GRID2: variants seen among roughly 807,000 people sequenced by gnomAD.
GRID2 encodes glutamate receptor ionotropic, delta-2.
GRID2 carries 33 observed loss-of-function variants against 114.8 expected under a neutral mutation model. The ratio of observed to expected loss-of-function variants is 0.29; its 90% CI spans 0.22 to 0.38. The LOEUF (loss-of-function observed/expected upper bound fraction) is 0.38, where lower values mean the gene tolerates loss of function less well. Ranked by LOEUF, GRID2 falls within the 10% of genes least tolerant of loss-of-function variation. The pLI is 1.00. For synonymous variants in GRID2, 505 were observed against 449.9 expected, an observed-to-expected ratio of 1.12 and a Z score of -1.55; for missense variants, 1,184 against 1,257.7, an observed-to-expected ratio of 0.94 and a Z score of 0.89.
chr4:93,592,604 G>A (rs543925066), intron 13 of GRID2, among the ~76,000 whole-genome samples: 226 of 152,052 alleles, frequency 1.5e-3, no homozygotes, highest in African/African-American at 4.7e-3. Flanking sequence ...TCAATTCCTC[G>A]GTATCCTTGT....
intron 2 of GRID2, among the ~76,000 whole-genome samples, chr4:92,955,372 A>G (rs1000830583): frequency 5.9e-5 from 9 of 152,082 alleles, no homozygotes; most frequent in South Asian, 2.1e-4. Context: ...GCCAGTGATG[A>G]TGAGCATTTT....
chr4:92,675,600 G>A (rs992677073), intron 2 of GRID2, among the ~76,000 whole-genome samples: 2 of 149,746 alleles, frequency 1.3e-5, no homozygotes, highest in African/African-American at 2.5e-5. Context: ...ACCCAGGCTG[G>A]AGTGCAGAGG....
chr4:93,475,112 T>C (rs1725198086), intron 11 of GRID2, among the ~76,000 whole-genome samples: 2 of 152,140 alleles, frequency 1.3e-5, no homozygotes, highest in African/African-American at 4.8e-5. Flanking sequence ...TGTTTCCTGA[T>C]TTTCCTACTG....
chr4:93,104,647 T>A (rs1454900318), intron 3 of GRID2, among the ~76,000 whole-genome samples: 2 of 152,244 alleles, frequency 1.3e-5, no homozygotes, highest in Middle Eastern at 3.2e-3. Flanking sequence ...TCTTCATTTT[T>A]TATGGCTGCA....
At chr4:92,425,653 A>G (rs762396383) in intron 1 of GRID2, among the ~76,000 whole-genome samples, 27 of 152,198 alleles carry the variant, frequency 1.8e-4, no homozygotes, top group Non-Finnish European at 2.6e-4. Context: ...GCAACTGCCT[A>G]CTTTCCCACA....
intron 2 of GRID2, among the ~76,000 whole-genome samples, chr4:92,635,725 T>G (rs953886533): frequency 1.3e-5 from 2 of 152,092 alleles, no homozygotes; most frequent in Non-Finnish European, 2.9e-5. Flanking sequence ...AACTAACATT[T>G]TTGAAATACA....
At chr4:92,412,755 AT>A (rs1339724749) in intron 1 of GRID2, among the ~76,000 whole-genome samples, 1 of 152,176 alleles carries the variant, frequency 6.6e-6, no homozygotes, top group Non-Finnish European at 1.5e-5. Context: ...GAAACTCTGA[AT>A]TGCTTACAGG....
chr4:92,813,107 T>C (rs1740732103), intron 2 of GRID2, among the ~76,000 whole-genome samples: 2 of 152,132 alleles, frequency 1.3e-5, no homozygotes, highest in South Asian at 4.1e-4. Context: ...GCCCTGCAGT[T>C]CTTAAACTAT....
At chr4:93,577,027 A>G (rs761615128) in intron 13 of GRID2, among the ~76,000 whole-genome samples, 45 of 152,332 alleles carry the variant, frequency 3.0e-4, no homozygotes, top group Non-Finnish European at 4.4e-5. Flanking sequence ...TTAATATAAC[A>G]GGAAAATTAT....
intron 1 of GRID2, among the ~76,000 whole-genome samples, chr4:92,439,598 T>G (rs914520355): frequency 6.9e-6 from 1 of 145,080 alleles, no homozygotes; most frequent in Admixed American, 6.8e-5. Flanking sequence ...TGGTAAGGGG[T>G]GATATTGTGG....
intron 1 of GRID2, among the ~76,000 whole-genome samples, chr4:92,515,592 A>T (rs989980253): frequency 6.6e-6 from 1 of 151,854 alleles, no homozygotes; most frequent in African/African-American, 2.4e-5. Context: ...ATCCTATGTG[A>T]CTAGTTCAGA....
At chr4:92,594,196 A>G (rs1158145631) in intron 2 of GRID2, among the ~76,000 whole-genome samples, 1 of 151,866 alleles carries the variant, frequency 6.6e-6, no homozygotes, top group Non-Finnish European at 1.5e-5. Context: ...ATGAGATAGC[A>G]CAATGTATTA....
intron 4 of GRID2, among the ~76,000 whole-genome samples, chr4:93,189,369 G>A (rs1488001622): frequency 1.3e-5 from 2 of 152,056 alleles, no homozygotes; most frequent in Non-Finnish European, 2.9e-5. Flanking sequence ...TGGTAGAAGG[G>A]CAAAATTTGA....
intron 1 of GRID2, among the ~76,000 whole-genome samples, chr4:92,364,560 AT>A (rs891491391): frequency 2.0e-5 from 3 of 151,298 alleles, no homozygotes; most frequent in East Asian, 1.9e-4. Context: ...AAATCAAAAG[AT>A]TTTTTTTTCA....
chr4:93,382,135 C>G (rs540618490), intron 8 of GRID2, among the ~76,000 whole-genome samples: 2 of 152,024 alleles, frequency 1.3e-5, no homozygotes, highest in Admixed American at 6.6e-5. Flanking sequence ...ATCAAAAATC[C>G]CTTGTATGTG....
chr4:93,443,255 T>C (rs1266208367), intron 10 of GRID2, among the ~76,000 whole-genome samples: 2 of 151,994 alleles, frequency 1.3e-5, no homozygotes, highest in Non-Finnish European at 2.9e-5. Context: ...TCAACTCTAA[T>C]TTACATAATT....
chr4:92,376,177 T>C (rs1485384647), intron 1 of GRID2, among the ~76,000 whole-genome samples: 2 of 151,968 alleles, frequency 1.3e-5, no homozygotes, highest in Non-Finnish European at 2.9e-5. Context: ...CGGTGTGTTG[T>C]CGGGCACCTG....
intron 1 of GRID2, among the ~76,000 whole-genome samples, chr4:92,589,837 T>C (rs962918116): frequency 2.6e-5 from 4 of 152,200 alleles, no homozygotes; most frequent in African/African-American, 9.6e-5. Context: ...AGATATCCAA[T>C]GTATTGGATA....
intron 1 of GRID2, among the ~76,000 whole-genome samples, chr4:92,319,060 G>A (rs186548181): frequency 6.6e-4 from 101 of 152,156 alleles, no homozygotes; most frequent in African/African-American, 2.3e-3. Context: ...AAATGAGAAT[G>A]TATAATATTT....
Sources: allele counts gnomAD v4.1 joint callset (sites outside exome capture counted in the v4.1 genomes callset), GRCh38; gene constraint gnomAD v4.1.1; transcripts MANE v1.5; gene names NCBI Gene and HGNC (gene_info 2026-07-23, HGNC 2026-07-21).